LRFN2: variants seen among roughly 807,000 people sequenced by gnomAD.
LRFN2 encodes the protein leucine-rich repeat and fibronectin type-III domain-containing protein 2.
In LRFN2, 18 loss-of-function variants were observed where a neutral mutation model predicts 37.3. That is an observed-to-expected ratio of 0.48 (90% CI 0.33 to 0.72). The LOEUF (loss-of-function observed/expected upper bound fraction) is 0.72. Ranked by LOEUF, LRFN2 falls within the 30% of genes least tolerant of loss-of-function variation. The probability of loss-of-function intolerance (pLI) is 0.02; values close to 1 mark genes in which losing one functional copy is unlikely to be tolerated. For missense variants in LRFN2, 1,006 were observed against 1,060.7 expected (o/e 0.95, Z 0.72); for synonymous variants, 556 against 466.6 (o/e 1.19, Z -2.47).
At chr6:40,493,641 C>G (rs1765149361) in intron 1 of LRFN2, among the ~76,000 whole-genome samples, 2 of 152,232 alleles carry the variant, frequency 1.3e-5, no homozygotes, top group South Asian at 4.1e-4. Flanking sequence ...CAAACTTCCT[C>G]CTGCACCTCC....
At chr6:40,503,342 A>G (rs1765439437) in intron 1 of LRFN2, among the ~76,000 whole-genome samples, 1 of 152,180 alleles carries the variant, frequency 6.6e-6, no homozygotes, top group Non-Finnish European at 1.5e-5. Context: ...GCTACTCAGG[A>G]AAACTGACTA....
chr6:40,518,127 C>T (rs777654491), intron 1 of LRFN2, among the ~76,000 whole-genome samples: 1 of 152,156 alleles, frequency 6.6e-6, no homozygotes, highest in Non-Finnish European at 1.5e-5. Flanking sequence ...TCCCTCTGGG[C>T]CTCAGTTTCT....
intron 1 of LRFN2, among the ~76,000 whole-genome samples, chr6:40,457,634 GTT>G (rs1764262484): frequency 1.5e-5 from 1 of 66,890 alleles, no homozygotes; most frequent in African/African-American, 5.1e-5. Flanking sequence ...GAAAGACCCT[GTT>G]TAAAAAAAAA....
At chr6:40,435,760 G>A (rs970447113) in intron 1 of LRFN2, among the ~76,000 whole-genome samples, 14 of 152,070 alleles carry the variant, frequency 9.2e-5, no homozygotes, top group African/African-American at 7.2e-5. Flanking sequence ...AGATGGTCTC[G>A]ATCTCCTGAC....
intron 1 of LRFN2, among the ~76,000 whole-genome samples, chr6:40,490,631 G>C (rs1765069482): frequency 6.6e-6 from 1 of 152,206 alleles, no homozygotes; most frequent in Non-Finnish European, 1.5e-5. Flanking sequence ...ACCATGGCTG[G>C]CACAGGCCAC....
intron 1 of LRFN2, among the ~76,000 whole-genome samples, chr6:40,434,055 C>T (rs1382088128): frequency 6.6e-6 from 1 of 152,210 alleles, no homozygotes; most frequent in East Asian, 1.9e-4. Flanking sequence ...CGCTGCATAG[C>T]CCTCTTCTCT....
At chr6:40,534,692 T>C (rs1426352741) in intron 1 of LRFN2, among the ~76,000 whole-genome samples, 1 of 152,114 alleles carries the variant, frequency 6.6e-6, no homozygotes, top group African/African-American at 2.4e-5. Context: ...TTGCTATTAT[T>C]ATTGTTGGCG....
intron 1 of LRFN2, among the ~76,000 whole-genome samples, chr6:40,523,353 A>C (rs1766143995): frequency 6.6e-6 from 1 of 152,006 alleles, no homozygotes; most frequent in African/African-American, 2.4e-5. Flanking sequence ...TTTCACGCAA[A>C]ATGGGGCACA....
At chr6:40,433,576 C>T (rs1393812253) in intron 1 of LRFN2, among the ~76,000 whole-genome samples, 2 of 152,092 alleles carry the variant, frequency 1.3e-5, no homozygotes, top group Non-Finnish European at 2.9e-5. Flanking sequence ...TTGGCTTATC[C>T]AATAATTGAG....
At chr6:40,474,751 A>G (rs1764673430) in intron 1 of LRFN2, among the ~76,000 whole-genome samples, 1 of 152,136 alleles carries the variant, frequency 6.6e-6, no homozygotes, top group Non-Finnish European at 1.5e-5. Flanking sequence ...TGGCCTCCCA[A>G]AGTGCTGGGA....
At chr6:40,526,237 CACA>C (rs974276053) in intron 1 of LRFN2, among the ~76,000 whole-genome samples, 1 of 152,230 alleles carries the variant, frequency 6.6e-6, no homozygotes, top group African/African-American at 2.4e-5. Flanking sequence ...CGCAGCTAGT[CACA>C]ACACTACAGT....
intron 2 of LRFN2, among the ~76,000 whole-genome samples, chr6:40,399,878 C>A (rs762741279): frequency 6.6e-6 from 1 of 151,854 alleles, no homozygotes; most frequent in Non-Finnish European, 1.5e-5. Flanking sequence ...AGATGATCAT[C>A]ACTTCATGTC....
intron 2 of LRFN2, among the ~76,000 whole-genome samples, chr6:40,410,638 C>CATATATATATATATATATATATAT: frequency 6.6e-6 from 1 of 152,158 alleles, no homozygotes; most frequent in Non-Finnish European, 1.5e-5. Context: ...ATAGTGAATG[C>CATATATATATATATATATATATAT]TTACATACTT....
At chr6:40,562,131 C>A (rs960147180) in intron 1 of LRFN2, among the ~76,000 whole-genome samples, 1 of 152,154 alleles carries the variant, frequency 6.6e-6, no homozygotes, top group Non-Finnish European at 1.5e-5. Flanking sequence ...ATTTAAAAAT[C>A]AACACATGAT....
chr6:40,500,077 G>A (rs114706601), intron 1 of LRFN2, among the ~76,000 whole-genome samples: 1,740 of 152,326 alleles, frequency 0.011, 27 homozygotes, highest in Admixed American at 0.022. Flanking sequence ...TGCCCAGCAC[G>A]AAAGCCCTCT....
chr6:40,514,784 T>A (rs549094040), intron 1 of LRFN2, among the ~76,000 whole-genome samples: 16 of 152,240 alleles, frequency 1.1e-4, no homozygotes, highest in Non-Finnish European at 2.1e-4. Context: ...CCTTCTCATT[T>A]CTCTCTCCCA....
At chr6:40,459,195 C>T (rs1189634712) in intron 1 of LRFN2, among the ~76,000 whole-genome samples, 1 of 152,162 alleles carries the variant, frequency 6.6e-6, no homozygotes, top group African/African-American at 2.4e-5. Context: ...CTGAAGGGTG[C>T]CCTTTGGGTC....
At chr6:40,443,798 A>T (rs1301185992) in intron 1 of LRFN2, among the ~76,000 whole-genome samples, 1 of 152,120 alleles carries the variant, frequency 6.6e-6, no homozygotes, top group East Asian at 1.9e-4. Flanking sequence ...GTGGCATAGC[A>T]CCCAGTGGGT....
intron 1 of LRFN2, among the ~76,000 whole-genome samples, chr6:40,544,844 T>C (rs1356016784): frequency 6.6e-6 from 1 of 152,216 alleles, no homozygotes; most frequent in African/African-American, 2.4e-5. Flanking sequence ...TAAGCAAGGT[T>C]CCTTTCCTCT....
Sources: allele counts gnomAD v4.1 joint callset (sites outside exome capture counted in the v4.1 genomes callset), GRCh38; gene constraint gnomAD v4.1.1; transcripts MANE v1.5; gene names NCBI Gene and HGNC (gene_info 2026-07-23, HGNC 2026-07-21).